Variants in ASTN2 observed in about 807,000 individuals in gnomAD.
The protein encoded by ASTN2 is astrotactin 2.
ASTN2 carries 54 observed loss-of-function variants against 139.8 expected under a neutral mutation model. The ratio of observed to expected loss-of-function variants is 0.39; its 90% CI spans 0.31 to 0.48. ASTN2 has a LOEUF of 0.48. Among genes scored for constraint, ASTN2 ranks in the 20% least tolerant of loss-of-function variants. The pLI is 0.95. For synonymous variants in ASTN2, 756 were observed against 719.5 expected (o/e 1.05, Z -0.81); for missense variants, 1,565 against 1,725.1 (o/e 0.91, Z 1.64).
intron 19 of ASTN2, chr9:116,552,014 C>CATATACATAT (rs542965606): frequency 5.3e-5 from 8 of 151,842 alleles, no homozygotes; most frequent in African/African-American, 1.9e-4. Flanking sequence ...CATATACATA[C>CATATACATAT]ACATATACAT....
intron 3 of ASTN2, chr9:117,180,594 C>G: frequency 1.0e-6 from 1 of 999,240 alleles, no homozygotes; most frequent in Non-Finnish European, 1.5e-6. Flanking sequence ...TACTATGCAC[C>G]GAGCACCATT....
At chr9:117,212,253 AT>A (rs1033268478) in intron 3 of ASTN2, among the ~76,000 whole-genome samples, 12 of 152,176 alleles carry the variant, frequency 7.9e-5, no homozygotes, top group Admixed American at 5.2e-4. Context: ...CCAATAAAAA[AT>A]TAATTTACAA....
rs780634789 is a variant in ASTN2 at position 117,214,644 on chromosome 9, G to A, written c.729C>T (p.Ser243=). 9.5e-6 allele frequency: 15 copies of A among 1,574,692 alleles called. No homozygotes were observed. The highest frequency in any genetic ancestry group is 1.7e-4 in the Middle Eastern group (1 of 5,896). The part of the protein sequence containing the change: ...WQKRRRIPQK[S]ASTEATHEIH... ...TCTCATGAGTGGCTTCTGTGCTTGC[G>A]CTCTTCTGGGGGATGCGGCGACGCT... The change falls in exon 3 of 23, where the codon AGC becomes AGT. Residue 243 remains serine, a synonymous_variant. Coordinates refer to ENST00000313400, the MANE Select transcript of ASTN2 (RefSeq NM_001365068.1).
chr9:117,144,543 G>C (rs2132864821), intron 3 of ASTN2, among the ~76,000 whole-genome samples: 1 of 152,050 alleles, frequency 6.6e-6, no homozygotes, highest in East Asian at 1.9e-4. Context: ...ATTGATAAGG[G>C]AAAAGGAGGG....
intron 2 of ASTN2, among the ~76,000 whole-genome samples, chr9:117,217,045 C>A (rs899763223): frequency 6.6e-6 from 1 of 152,122 alleles, no homozygotes; most frequent in African/African-American, 2.4e-5. Context: ...AGTGGTGGAG[C>A]TGTGACTGGG....
Position 117,210,961 on chromosome 9 carries a change from A to G in ASTN2, c.1015+3397T>C, listed in dbSNP as rs138959282. 2.0e-3 allele frequency among the ~76,000 whole-genome samples: 285 copies of G among 142,830 alleles called. 1 individual carries two copies. Among genetic ancestry groups the G allele is most frequent in the African/African-American group, 7.1e-3 (276 of 38,706 alleles). The allele number at this position is 142,830 out of a possible 152,430, so 93.7% of individuals were successfully genotyped here. ...CAATCAATAGAATGATGGAAAAAAA[A>G]CCATATGATCATCTCAAAGCAAAAA... is the stretch of plus-strand genomic sequence containing the variant. On this transcript the variant is annotated intron_variant, in intron 3 of 22. Transcript: ENST00000313400.
intron 13 of ASTN2, among the ~76,000 whole-genome samples, chr9:116,764,081 G>A (rs775983872): frequency 6.6e-5 from 10 of 152,140 alleles, no homozygotes; most frequent in Non-Finnish European, 1.5e-4. Context: ...TTCACCTCAT[G>A]GATAAGAGAG....
intron 10 of ASTN2, among the ~76,000 whole-genome samples, chr9:116,927,027 A>G (rs1834772941): frequency 6.6e-6 from 1 of 152,250 alleles, no homozygotes; most frequent in African/African-American, 2.4e-5. Flanking sequence ...TAGAAAAACT[A>G]ATTAGCTGGA....
At chr9:116,477,877 GAAAGA>G (rs1210109337) in intron 20 of ASTN2, among the ~76,000 whole-genome samples, 1 of 146,630 alleles carries the variant, frequency 6.8e-6, no homozygotes. Context: ...AAAAAAAAAT[GAAAGA>G]AAAGAAAAAG....
At chr9:116,757,738 C>T (rs746647478) in intron 13 of ASTN2, among the ~76,000 whole-genome samples, 2 of 152,086 alleles carry the variant, frequency 1.3e-5, no homozygotes, top group Non-Finnish European at 2.9e-5. Context: ...CTGTCTCCCC[C>T]GCACATAGGA....
rs577807988 is a variant in ASTN2 at position 116,863,495 on chromosome 9, T to A, written c.2040+88A>T. On this transcript the variant is annotated intron_variant, in intron 11 of 22. Transcript: ENST00000313400. Reference sequence around the variant, plus strand: ...AGGGTAGTGTGGATATGATCCTCCTTACCAGCGTTCCCTCGCAGGGCAGGG... The same window carrying A: ...AGGGTAGTGTGGATATGATCCTCCTAACCAGCGTTCCCTCGCAGGGCAGGG... The A allele has an allele frequency of 1.0e-5, 16 of 1,528,042 alleles. No homozygotes were observed. In the East Asian group the frequency reaches 2.3e-4, roughly 22 times the overall value. 94.7% of individuals were successfully genotyped at this position (1,528,042 alleles called of 1,614,324 possible).
At position 116,425,130 on chromosome 9, in the gene ASTN2, T is replaced by C. The variant is rs1165610384; in HGVS notation, c.*721A>G. The C allele has an allele frequency of 1.2e-4, 21 of 175,526 alleles. No individual in the cohort carries two copies. In the Admixed American group the frequency reaches 1.3e-3, roughly 10 times the overall value. 10.9% of individuals were successfully genotyped at this position (175,526 alleles called of 1,614,324 possible). ...GGAAGCTTCTCTGTCTTTAGTTGCA[T>C]ATGCTCTGTGACTGGCACAGGGTAG... On this transcript the variant is annotated 3_prime_UTR_variant, in exon 23 of 23. Transcript: ENST00000313400.
chr9:116,640,482 T>A (rs1444429941), intron 17 of ASTN2, among the ~76,000 whole-genome samples: 1 of 152,070 alleles, frequency 6.6e-6, no homozygotes, highest in Non-Finnish European at 1.5e-5. Context: ...ATCTGATAAA[T>A]CAGTAACAGT....
At chr9:116,636,467 G>C (rs1857078560) in intron 17 of ASTN2, among the ~76,000 whole-genome samples, 1 of 152,120 alleles carries the variant, frequency 6.6e-6, no homozygotes. Flanking sequence ...CTGAGGTCAG[G>C]AGTCCTAGAC....
chr9:116,696,162 C>T (rs1860840648), intron 16 of ASTN2, among the ~76,000 whole-genome samples: 1 of 152,136 alleles, frequency 6.6e-6, no homozygotes, highest in African/African-American at 2.4e-5. Context: ...GAAAATGACG[C>T]TCAAAAATCT....
chr9:117,120,148 C>CTGGACT (rs913990291), intron 4 of ASTN2, among the ~76,000 whole-genome samples: 6 of 150,660 alleles, frequency 4.0e-5, no homozygotes, highest in Non-Finnish European at 7.4e-5. Flanking sequence ...GAATAAAACA[C>CTGGACT]TGGACTGGAA....
At chr9:116,947,158 T>C (rs537253811) in intron 10 of ASTN2, among the ~76,000 whole-genome samples, 7 of 152,264 alleles carry the variant, frequency 4.6e-5, no homozygotes, top group South Asian at 2.1e-4. Context: ...AATCTGACAG[T>C]TCCTTATTTT....
rs756201791 is a variant in ASTN2 at position 116,425,832 on chromosome 9, C to G, written c.*19G>C. The G allele has an allele frequency of 6.2e-7, 1 of 1,613,742 alleles. No individual in the cohort carries two copies. On this transcript the variant is annotated 3_prime_UTR_variant, in exon 23 of 23. Coordinates refer to ENST00000313400, the MANE Select transcript of ASTN2 (RefSeq NM_001365068.1). Reference sequence around the variant, plus strand: ...CTCCCATGGAGAGTCTCTGTGCTCACGGAGGGCAATACCCTCCCTCACCGG... The same window carrying G: ...CTCCCATGGAGAGTCTCTGTGCTCAGGGAGGGCAATACCCTCCCTCACCGG...
chr9:117,058,918 A>T (rs921903852), intron 5 of ASTN2, among the ~76,000 whole-genome samples: 1 of 152,230 alleles, frequency 6.6e-6, no homozygotes, highest in Non-Finnish European at 1.5e-5. Flanking sequence ...AGTGAGTGAC[A>T]TGAGATGGGG....
Sources: allele counts gnomAD v4.1 joint callset (sites outside exome capture counted in the v4.1 genomes callset), GRCh38; gene constraint gnomAD v4.1.1; transcripts MANE v1.5; gene names NCBI Gene and HGNC (gene_info 2026-07-23, HGNC 2026-07-21).